Variants in ZNF33A observed in about 807,000 individuals in gnomAD.
ZNF33A encodes zinc finger protein 33A.
A neutral mutation model predicts 15.9 loss-of-function variants in ZNF33A; 9 were observed. That is an observed-to-expected ratio of 0.57 (90% CI 0.34 to 0.99). The LOEUF is 0.99. ZNF33A is among the 50% of genes least tolerant of loss of function. ZNF33A has a pLI of 0.02. For synonymous variants in ZNF33A, 294 were observed against 324.2 expected (o/e 0.91, Z 1.00); for missense variants, 843 against 941.6 (o/e 0.90, Z 1.37).
At chr10:38,051,196 A>G (rs528475918) in intron 4 of ZNF33A, among the ~76,000 whole-genome samples, 2 of 152,350 alleles carry the variant, frequency 1.3e-5, no homozygotes, top group Admixed American at 1.3e-4. Context: ...GAAACATTAA[A>G]ATGCCATTGT....
intron 4 of ZNF33A, among the ~76,000 whole-genome samples, chr10:38,045,219 GAGA>G (rs2135714881): frequency 6.6e-6 from 1 of 152,312 alleles, no homozygotes; most frequent in South Asian, 2.1e-4. Context: ...TACTATTTGA[GAGA>G]AGCTTTTTCA....
At chr10:38,020,126 TAGC>T (rs2064670474) in intron 4 of ZNF33A, among the ~76,000 whole-genome samples, 1 of 152,030 alleles carries the variant, frequency 6.6e-6, no homozygotes, top group Non-Finnish European at 1.5e-5. Context: ...ACAAAACAAA[TAGC>T]AGCCTAACAG....
At chr10:38,046,324 C>G (rs1452772148) in intron 4 of ZNF33A, among the ~76,000 whole-genome samples, 1 of 152,140 alleles carries the variant, frequency 6.6e-6, no homozygotes, top group Admixed American at 6.5e-5. Context: ...GAACAGTACA[C>G]AATACTCACA....
At chr10:38,063,344 A>C (rs2066677915), downstream of ZNF33A, among the ~76,000 whole-genome samples, 1 of 152,244 alleles carries the variant, frequency 6.6e-6, no homozygotes, top group Non-Finnish European at 1.5e-5. Context: ...TCTGTGGTGT[A>C]TTCTCGGAAG....
chr10:38,049,403 C>T (rs1174907023), intron 4 of ZNF33A, among the ~76,000 whole-genome samples: 2 of 151,936 alleles, frequency 1.3e-5, no homozygotes, highest in Non-Finnish European at 2.9e-5. Context: ...GGTGGAAGCA[C>T]CTGAGGTCAT....
Position 38,057,611 on chromosome 10 carries a change from G to C in ZNF33A, c.*1051G>C. On this transcript the variant is annotated 3_prime_UTR_variant, in exon 5 of 5. Coordinates refer to ENST00000432900, the MANE Select transcript of ZNF33A (RefSeq NM_006954.2). ...AGAGCTAATGTTTATCCATTTAAAA[G>C]GTATAAATCAAAATAACAAATTATC... 1.0e-6 allele frequency: 1 copy of C among 983,258 alleles called. No individual in the cohort carries two copies. The highest frequency in any genetic ancestry group is 1.2e-6 in the Non-Finnish European group (1 of 828,052). The allele number at this position is 983,258 out of a possible 1,614,324, so 60.9% of individuals were successfully genotyped here.
intron 4 of ZNF33A, among the ~76,000 whole-genome samples, chr10:38,026,172 T>G (rs1221233484): frequency 3.3e-5 from 5 of 152,226 alleles, no homozygotes; most frequent in South Asian, 2.1e-4. Flanking sequence ...TTTTGGCTGT[T>G]GTGAATAATG....
intron 4 of ZNF33A, among the ~76,000 whole-genome samples, chr10:38,022,982 G>C (rs1227729881): frequency 6.6e-6 from 1 of 152,192 alleles, no homozygotes; most frequent in Non-Finnish European, 1.5e-5. Flanking sequence ...GTCTTGCTCA[G>C]TCACCCAGGC....
Position 38,047,350 on chromosome 10 carries a change from C to T in ZNF33A, c.251-7025C>T, listed in dbSNP as rs571298064. ...TGTGAAAAATAAGCAAGCCCTTGGG[C>T]TGGGTGTGGTGGCTCACCCCTGTAA... On this transcript the variant is annotated intron_variant, in intron 4 of 4. Coordinates refer to ENST00000432900, the MANE Select transcript of ZNF33A (RefSeq NM_006954.2). Among the ~76,000 whole-genome samples the T allele has an allele frequency of 2.0e-3, 301 of 151,872 alleles. 1 individual carries two copies. The highest frequency in any genetic ancestry group is 2.4e-3 in the Non-Finnish European group (162 of 67,926).
chr10:38,025,769 G>T (rs1013528812), intron 4 of ZNF33A, among the ~76,000 whole-genome samples: 1 of 152,204 alleles, frequency 6.6e-6, no homozygotes, highest in Non-Finnish European at 1.5e-5. Flanking sequence ...GCATTTTAAC[G>T]TATCTTGTTT....
At chr10:38,062,872 A>T (rs777286661), downstream of ZNF33A, among the ~76,000 whole-genome samples, 3 of 151,808 alleles carry the variant, frequency 2.0e-5, no homozygotes, top group Non-Finnish European at 2.9e-5. Flanking sequence ...GTGTGGTGGC[A>T]GGCGCCTGTA....
rs1481327959 is a variant in ZNF33A at position 38,055,275 on chromosome 10, C to T, written c.1151C>T (p.Pro384Leu). The T allele has an allele frequency of 6.2e-7, 1 of 1,614,060 alleles. No homozygotes were observed. Among genetic ancestry groups the T allele is most frequent in the Admixed American group, 1.7e-5 (1 of 60,002 alleles). Residue 384 changes from proline (P) to leucine (L), a missense_variant, in exon 5 of 5, where the codon CCT becomes CTT. Transcript: ENST00000432900. ...KHQRSHTGEK[P>L]FECNECGKAF... is the part of the protein sequence containing the mutation. The stretch of plus-strand genomic sequence containing the variant: ...CAAAGATCACACACAGGGGAGAAAC[C>T]TTTTGAATGCAATGAATGTGGGAAA...
At position 38,017,341 on chromosome 10, in the gene ZNF33A, G is replaced by C; in HGVS notation, c.205G>C (p.Glu69Gln). 3.1e-6 allele frequency: 5 copies of C among 1,614,098 alleles called. No homozygotes were observed. Among genetic ancestry groups the C allele is most frequent in the Non-Finnish European group, 4.2e-6 (5 of 1,179,974 alleles). The change falls in exon 4 of 5, where the codon GAG (glutamate) becomes CAG (glutamine). Residue 69 changes from glutamate (E) to glutamine (Q), a missense_variant. Coordinates refer to ENST00000432900, the MANE Select transcript of ZNF33A (RefSeq NM_006954.2). ...GATCTTCAGGCTGCAACAAGGAGAA[G>C]AGCCATGGAAACAGGAGGAAGAATT... Reference protein sequence around the residue: ...EVIFRLQQGEEPWKQEEEFPS... With the variant: ...EVIFRLQQGEQPWKQEEEFPS...
chr10:38,037,330 T>C (rs1324146416), intron 4 of ZNF33A, among the ~76,000 whole-genome samples: 2 of 43,556 alleles, frequency 4.6e-5, no homozygotes, highest in Non-Finnish European at 1.0e-4. Context: ...AATTTTTCTT[T>C]TTTCTTTTTT....
At chr10:38,041,928 C>T (rs765232996) in intron 4 of ZNF33A, among the ~76,000 whole-genome samples, 5 of 151,978 alleles carry the variant, frequency 3.3e-5, no homozygotes, top group Non-Finnish European at 5.9e-5. Context: ...ATATGTGTTC[C>T]ATGGTGGTTG....
chr10:38,047,248 A>C (rs1006296762), intron 4 of ZNF33A, among the ~76,000 whole-genome samples: 3 of 148,548 alleles, frequency 2.0e-5, no homozygotes, highest in Non-Finnish European at 4.5e-5. Context: ...ATGGCAGTTT[A>C]AACATTGCAG....
At chr10:38,030,619 T>C (rs1249436589) in intron 4 of ZNF33A, among the ~76,000 whole-genome samples, 1 of 152,152 alleles carries the variant, frequency 6.6e-6, no homozygotes, top group Non-Finnish European at 1.5e-5. Context: ...GACAGGTTTC[T>C]AGGGAGACTA....
chr10:38,020,533 G>A (rs569798250), intron 4 of ZNF33A, among the ~76,000 whole-genome samples: 10 of 151,724 alleles, frequency 6.6e-5, no homozygotes, highest in Admixed American at 5.3e-4. Flanking sequence ...TCTGGTAACC[G>A]TCCTTTTACT....
rs1393786612 is a variant in ZNF33A, at chr10:38,010,834, C to G, written c.-45+51C>G. On this transcript the variant is annotated intron_variant, in intron 1 of 4. Coordinates refer to ENST00000432900, the MANE Select transcript of ZNF33A (RefSeq NM_006954.2). ...AGAGAGAGGGAGCCCCGCGCGACTC[C>G]TGGGGCGGGCGGCAGGGGGCCGGTA... The G allele has an allele frequency of 2.3e-5, 37 of 1,592,492 alleles. No homozygotes were observed. In the South Asian group the frequency reaches 3.4e-4, roughly 15 times the overall value.
Sources: gnomAD v4.1 joint callset for allele counts (sites outside exome capture counted in the v4.1 genomes callset) on GRCh38, gnomAD v4.1.1 for gene constraint, MANE v1.5 for transcripts, NCBI Gene and HGNC (gene_info 2026-07-23, HGNC 2026-07-21) for gene names.